The following FAM133B variants were observed in gnomAD, a reference collection of about 807,000 sequenced individuals.
FAM133B encodes the protein protein FAM133B.
In FAM133B, 25 loss-of-function variants were observed where a neutral mutation model predicts 46.4. The ratio of observed to expected loss-of-function variants is 0.54; its 90% CI spans 0.39 to 0.75. The LOEUF (loss-of-function observed/expected upper bound fraction) is 0.75, where lower values mean the gene tolerates loss of function less well. FAM133B is among the 30% of genes least tolerant of loss of function. FAM133B has a pLI of 0.00. For synonymous variants in FAM133B, 75 were observed against 86.0 expected, an observed-to-expected ratio of 0.87 and a Z score of 0.71; for missense variants, 205 against 277.6, an observed-to-expected ratio of 0.74 and a Z score of 1.86.
chr7:92,588,397 A>G (rs917415981), intron 1 of FAM133B, among the ~76,000 whole-genome samples: 1 of 152,210 alleles, frequency 6.6e-6, no homozygotes, highest in Non-Finnish European at 1.5e-5. Flanking sequence ...GTATTAGAAG[A>G]GCCCAAAATA....
In FAM133B at chr7:92,561,093, GACA is replaced by G. The variant is rs1224272218; in HGVS notation, c.*1186_*1188del. ...TCATAATTTGTTATTAATATACAAA[GACA>G]ACAAACTTTTAAAACATTACATTTA... On this transcript the variant is annotated 3_prime_UTR_variant, in exon 11 of 11. Transcript: ENST00000445716. 2.0e-5 allele frequency: 3 copies of G among 152,118 alleles called. No homozygotes were observed. Among genetic ancestry groups the G allele is most frequent in the Non-Finnish European group, 2.9e-5 (2 of 67,980 alleles). 9.4% of individuals were successfully genotyped at this position (152,118 alleles called of 1,614,324 possible).
chr7:92,575,257 C>T (rs552364946), intron 8 of FAM133B, among the ~76,000 whole-genome samples: 2 of 152,280 alleles, frequency 1.3e-5, no homozygotes, highest in African/African-American at 4.8e-5. Context: ...AGGCGCATCA[C>T]CTGAGGTCAG....
intron 10 of FAM133B, among the ~76,000 whole-genome samples, chr7:92,565,059 T>C (rs1206332095): frequency 1.3e-5 from 2 of 152,186 alleles, no homozygotes; most frequent in East Asian, 3.9e-4. Flanking sequence ...AAGTAACTAT[T>C]ATCAAAGATA....
intron 9 of FAM133B, among the ~76,000 whole-genome samples, chr7:92,568,666 C>T (rs1267449351): frequency 6.6e-6 from 1 of 151,972 alleles, no homozygotes; most frequent in Non-Finnish European, 1.5e-5. Context: ...CTGCGCCTGG[C>T]CTGGTGTTAA....
chr7:92,565,997 C>T lies in FAM133B; in HGVS notation c.657+17G>A, dbSNP rs924451317. On this transcript the variant is annotated intron_variant, in intron 10 of 10. Coordinates refer to ENST00000445716, the MANE Select transcript of FAM133B (RefSeq NM_152789.4). ...ACACCTATTCTATTGTCTGTAAAAA[C>T]GTTAAGAGATACTTGCTGTTGCTTT... The T allele has an allele frequency of 3.7e-6, 6 of 1,613,258 alleles. No individual in the cohort carries two copies. In the African/African-American group the frequency reaches 4.0e-5, roughly 11 times the overall value.
At chr7:92,583,596 T>C (rs1794950904) in intron 1 of FAM133B, among the ~76,000 whole-genome samples, 1 of 152,248 alleles carries the variant, frequency 6.6e-6, no homozygotes, top group Non-Finnish European at 1.5e-5. Flanking sequence ...AAAAGGTTTC[T>C]TTGTTAATGA....
chr7:92,569,195 G>A lies in FAM133B; in HGVS notation c.609+628C>T, dbSNP rs549764475. Among the ~76,000 whole-genome samples the A allele has an allele frequency of 2.6e-5, 4 of 152,106 alleles. No individual in the cohort carries two copies. In the South Asian group the frequency reaches 6.2e-4, roughly 24 times the overall value. On this transcript the variant is annotated intron_variant, in intron 9 of 10. Coordinates refer to ENST00000445716, the MANE Select transcript of FAM133B (RefSeq NM_152789.4). ...CTATTGGGGGTTAAGTATGTTGATC[G>A]CTAAAGAAAGCTACAGTTTTAAAAA...
rs1794964095 is a variant in FAM133B at position 92,583,984 on chromosome 7, A to C, written c.25-2381T>G. On this transcript the variant is annotated intron_variant, in intron 1 of 10. Transcript: ENST00000445716. ...AAAATCTCTTGAACCCAGGAGGCAG[A>C]GGTTGCAGTGAGCTGAGATTGTGCC... Among the ~76,000 whole-genome samples, 4 of 131,394 alleles carry C rather than the reference A, an allele frequency of 3.0e-5. No homozygotes were observed. In the South Asian group the frequency reaches 1.0e-3, roughly 34 times the overall value. 86.2% of individuals were successfully genotyped at this position (131,394 alleles called of 152,430 possible).
chr7:92,579,348 GC>G lies in FAM133B; in HGVS notation c.169del (p.Ala57LeufsTer9). On this transcript the variant is annotated frameshift_variant, in exon 3 of 11. Transcript: ENST00000445716. LOFTEE classifies it high-confidence loss of function. Reference protein sequence around the residue: ...QLEKKKKGSKALAEFEEKMNE... With the variant: ...QLEKKKKGSKXLAEFEEKMNE... Reference sequence around the variant, plus strand: ...CATTTTTTCTTCAAATTCAGCCAAAGCCTTGGAGCCTTTCTTTTTCTTTTCT... The same window carrying G: ...CATTTTTTCTTCAAATTCAGCCAAAGCTTGGAGCCTTTCTTTTTCTTTTCT... The G allele has an allele frequency of 6.2e-7, 1 of 1,609,742 alleles. No homozygotes were observed. The highest frequency in any genetic ancestry group is 8.5e-7 in the Non-Finnish European group (1 of 1,178,888).
intron 1 of FAM133B, among the ~76,000 whole-genome samples, chr7:92,588,726 T>G (rs996072371): frequency 6.6e-6 from 1 of 152,168 alleles, no homozygotes; most frequent in East Asian, 1.9e-4. Context: ...GGAGTTCTCA[T>G]GAATGGCTTA....
At position 92,570,753 on chromosome 7, in the gene FAM133B, G is replaced by C. The variant is rs932109440; in HGVS notation, c.517-838C>G. ...CAAAAATGCAGAAAATAAACTAACA[G>C]TGATGATCTCTCTATGGGCTAGATT... On this transcript the variant is annotated intron_variant, in intron 8 of 10. Transcript: ENST00000445716. Among the ~76,000 whole-genome samples, 27 of 152,250 alleles carry C rather than the reference G, an allele frequency of 1.8e-4. 1 individual carries two copies. The highest frequency in any genetic ancestry group is 1.4e-3 in the Admixed American group (22 of 15,292).
chr7:92,585,857 A>G (rs1795023331), intron 1 of FAM133B, among the ~76,000 whole-genome samples: 1 of 152,224 alleles, frequency 6.6e-6, no homozygotes, highest in South Asian at 2.1e-4. Flanking sequence ...ATAAAGGTAA[A>G]GAAAATGACA....
chr7:92,583,741 A>G (rs1180316261), intron 1 of FAM133B, among the ~76,000 whole-genome samples: 3 of 151,982 alleles, frequency 2.0e-5, no homozygotes, highest in African/African-American at 7.2e-5. Flanking sequence ...ATTTATTACT[A>G]TTATTATTTT....
intron 1 of FAM133B, among the ~76,000 whole-genome samples, chr7:92,582,300 T>TA (rs1794908682): frequency 6.7e-6 from 1 of 148,362 alleles, no homozygotes; most frequent in Non-Finnish European, 1.5e-5. Flanking sequence ...TAACATAACA[T>TA]AAATAACATA....
intron 7 of FAM133B, among the ~76,000 whole-genome samples, chr7:92,576,860 T>A (rs1406109540): frequency 6.6e-6 from 1 of 152,142 alleles, no homozygotes; most frequent in East Asian, 1.9e-4. Context: ...AACTTCTTTA[T>A]GAAAACAGGG....
intron 1 of FAM133B, among the ~76,000 whole-genome samples, chr7:92,588,359 G>A (rs937538339): frequency 9.2e-5 from 14 of 152,278 alleles, no homozygotes; most frequent in Non-Finnish European, 2.1e-4. Flanking sequence ...CCAAGGTCAG[G>A]TGATCTCTAA....
chr7:92,588,257 T>A (rs1348813307), intron 1 of FAM133B, among the ~76,000 whole-genome samples: 2 of 152,214 alleles, frequency 1.3e-5, no homozygotes, highest in Non-Finnish European at 2.9e-5. Flanking sequence ...GAAGCTAATT[T>A]GGTAAGTTTT....
chr7:92,580,242 T>TAA (rs61400606), intron 2 of FAM133B, among the ~76,000 whole-genome samples: 10 of 126,692 alleles, frequency 7.9e-5, no homozygotes, highest in East Asian at 4.6e-4. Flanking sequence ...TCCAGCTAAT[T>TAA]AAAAAAAAAA....
At chr7:92,579,430 C>G (rs764782251) in intron 2 of FAM133B, 35 bp from the exon 3 acceptor site, 3 of 1,482,824 alleles carry the variant, frequency 2.0e-6, no homozygotes, top group Admixed American at 2.1e-5. Flanking sequence ...AAATTTCAAG[C>G]AATTCAAATT....
Sources: allele counts gnomAD v4.1 joint callset (sites outside exome capture counted in the v4.1 genomes callset), GRCh38; gene constraint gnomAD v4.1.1; transcripts MANE v1.5; gene names NCBI Gene and HGNC (gene_info 2026-07-23, HGNC 2026-07-21).